NLGN4X: variants seen among roughly 807,000 people sequenced by gnomAD.
NLGN4X encodes the protein neuroligin-4, X-linked.
NLGN4X carries 3 observed loss-of-function variants against 40.3 expected under a neutral mutation model. The ratio of observed to expected loss-of-function variants is 0.07; its 90% confidence interval spans 0.03 to 0.19. The LOEUF is 0.19. NLGN4X is among the 10% of genes least tolerant of loss of function. NLGN4X has a pLI of 1.00. For missense variants in NLGN4X, 382 were observed against 708.3 expected, an observed-to-expected ratio of 0.54 and a Z score of 5.23; for synonymous variants, 270 against 306.8, an observed-to-expected ratio of 0.88 and a Z score of 1.25.
intron 2 of NLGN4X, among the ~76,000 whole-genome samples, chrX:6,068,088 A>G (rs971560020): frequency 2.7e-5 from 3 of 111,860 alleles, no homozygotes; most frequent in Non-Finnish European, 5.6e-5. Context: ...AAATCTCACA[A>G]TATTAGTGAG....
At chrX:6,129,881 CTT>C (rs1228153546) in intron 2 of NLGN4X, among the ~76,000 whole-genome samples, 49 of 96,932 alleles carry the variant, frequency 5.1e-4, no homozygotes, top group African/African-American at 1.5e-3. Context: ...GATACCAAAT[CTT>C]TTTTTTTTTT....
chrX:5,916,524 A>C (rs1252515249), intron 3 of NLGN4X, among the ~76,000 whole-genome samples: 1 of 111,460 alleles, frequency 9.0e-6, no homozygotes, highest in Non-Finnish European at 1.9e-5. Flanking sequence ...ATCTCAGCTC[A>C]CTACAACCTC....
At chrX:6,048,397 G>A (rs2037382651) in intron 2 of NLGN4X, among the ~76,000 whole-genome samples, 1 of 111,741 alleles carries the variant, frequency 8.9e-6, no homozygotes, top group Non-Finnish European at 1.9e-5. Context: ...CAGGATTCAA[G>A]TTAAGAATGG....
intron 1 of NLGN4X, among the ~76,000 whole-genome samples, chrX:6,152,091 C>A (rs932425324): frequency 1.1e-4 from 12 of 111,229 alleles, no homozygotes; most frequent in Middle Eastern, 4.6e-3. Context: ...GCTGGGACCA[C>A]AAGCATGCAC....
At chrX:6,162,158 T>C (rs2040413965) in intron 1 of NLGN4X, among the ~76,000 whole-genome samples, 2 of 111,999 alleles carry the variant, frequency 1.8e-5, no homozygotes, top group Non-Finnish European at 1.9e-5. Context: ...CTCATGTGTG[T>C]ATTATGTATC....
intron 3 of NLGN4X, among the ~76,000 whole-genome samples, chrX:5,933,066 T>G (rs1269426327): frequency 9.0e-6 from 1 of 110,542 alleles, no homozygotes; most frequent in Non-Finnish European, 1.9e-5. Context: ...GGAGTCATAT[T>G]TGAAAGTTTG....
intron 4 of NLGN4X, among the ~76,000 whole-genome samples, chrX:5,904,988 C>G (rs1330117525): frequency 1.8e-5 from 2 of 108,961 alleles, no homozygotes; most frequent in African/African-American, 6.7e-5. Context: ...AGTATGTCAT[C>G]AAAGCCATCC....
chrX:6,079,103 C>T (rs868688111), intron 2 of NLGN4X, among the ~76,000 whole-genome samples: 1 of 105,499 alleles, frequency 9.5e-6, no homozygotes, highest in African/African-American at 3.5e-5. Context: ...TAAACCTCTT[C>T]CTTTATAAAT....
intron 2 of NLGN4X, among the ~76,000 whole-genome samples, chrX:6,109,609 C>A (rs1371513216): frequency 1.8e-5 from 2 of 111,786 alleles, no homozygotes; most frequent in East Asian, 5.6e-4. Flanking sequence ...ACTTTCTGAT[C>A]CAGCAATCCA....
rs768203517 is a variant in NLGN4X at position 6,186,019 on chromosome X, C to T, written c.-305-34248G>A. 4.4e-4 allele frequency among the ~76,000 whole-genome samples: 49 copies of T among 112,594 alleles called. No individual in the cohort carries two copies. In the South Asian group the frequency reaches 0.018, roughly 41 times the overall value. The stretch of plus-strand genomic sequence containing the variant: ...TGCTCTGTGTTTAAGAGTTGTAGTG[C>T]ATGCATTCATAGAATTCCTAATACA... On this transcript the variant is annotated intron_variant, in intron 1 of 5. Coordinates refer to ENST00000381095, the MANE Select transcript of NLGN4X (RefSeq NM_181332.3).
rs765933979 is a variant in NLGN4X, at chrX:6,037,853, A to C, written c.473-8421T>G. On this transcript the variant is annotated intron_variant, in intron 2 of 5. Coordinates refer to ENST00000381095, the MANE Select transcript of NLGN4X (RefSeq NM_181332.3). ...CTTGGCCATAGAGTAATATGGGCTTAATCTTCTAATCCAATGCAATATCCC... is the reference window on the plus strand; with the variant it reads ...CTTGGCCATAGAGTAATATGGGCTTCATCTTCTAATCCAATGCAATATCCC... Among the ~76,000 whole-genome samples, 158 of 111,507 alleles carry C rather than the reference A, an allele frequency of 1.4e-3. 1 individual carries two copies. Among genetic ancestry groups the C allele is most frequent in the African/African-American group, 4.9e-3 (149 of 30,643 alleles).
At chrX:6,203,239 C>T (rs1329990100) in intron 1 of NLGN4X, among the ~76,000 whole-genome samples, 1 of 112,492 alleles carries the variant, frequency 8.9e-6, no homozygotes, top group African/African-American at 3.2e-5. Context: ...ACACTCAACA[C>T]AACACAGCCC....
chrX:6,061,688 C>G (rs894826563), intron 2 of NLGN4X: 1 of 111,867 alleles, frequency 8.9e-6, no homozygotes, highest in African/African-American at 3.3e-5. Context: ...ATCAGACAGA[C>G]AAAAGGACGA....
intron 3 of NLGN4X, among the ~76,000 whole-genome samples, chrX:5,976,305 C>A (rs1216936112): frequency 8.9e-6 from 1 of 112,229 alleles, no homozygotes; most frequent in Non-Finnish European, 1.9e-5. Context: ...CCAAATCAGA[C>A]TAGAAGGCTG....
chrX:6,139,947 G>A (rs2039907093), intron 2 of NLGN4X, among the ~76,000 whole-genome samples: 1 of 111,836 alleles, frequency 8.9e-6, no homozygotes. Context: ...GGAATTAGGA[G>A]ATCAATAGTG....
At chrX:5,928,283 C>T (rs752002602) in intron 3 of NLGN4X, among the ~76,000 whole-genome samples, 50 of 112,472 alleles carry the variant, frequency 4.4e-4, no homozygotes, top group African/African-American at 1.6e-3. Context: ...TTAGTATCTT[C>T]CTTCTGCTCA....
chrX:6,019,476 C>G (rs774061778), intron 3 of NLGN4X, among the ~76,000 whole-genome samples: 3 of 111,382 alleles, frequency 2.7e-5, no homozygotes, highest in African/African-American at 9.8e-5. Flanking sequence ...GCTCAGATTG[C>G]CTTTTAGAGA....
chrX:6,084,060 T>C (rs1018712686), intron 2 of NLGN4X, among the ~76,000 whole-genome samples: 2 of 111,457 alleles, frequency 1.8e-5, no homozygotes, highest in Non-Finnish European at 3.8e-5. Context: ...GAGAAGAAAA[T>C]ACAGAAGAGC....
chrX:5,940,762 T>C (rs1416651514), intron 3 of NLGN4X, among the ~76,000 whole-genome samples: 5 of 110,828 alleles, frequency 4.5e-5, no homozygotes, highest in African/African-American at 1.6e-4. Context: ...AGCCAGGTTA[T>C]GGCTTGAAAA....
Sources: gnomAD v4.1 joint callset for allele counts (sites outside exome capture counted in the v4.1 genomes callset) on GRCh38, gnomAD v4.1.1 for gene constraint, MANE v1.5 for transcripts, NCBI Gene and HGNC (gene_info 2026-07-23, HGNC 2026-07-21) for gene names.